TMEM67: variants seen among roughly 807,000 people sequenced by gnomAD.
TMEM67 encodes the protein meckelin.
A neutral mutation model predicts 136.6 loss-of-function variants in TMEM67; 124 were observed. The observed-to-expected ratio is 0.91, with a 90% CI of 0.78 to 1.05. TMEM67 has a LOEUF of 1.05. TMEM67 is among the 50% of genes least tolerant of loss of function. The pLI is 0.00. For synonymous variants in TMEM67, 364 were observed against 390.5 expected (o/e 0.93, Z 0.80); for missense variants, 1,107 against 1,178.4 (o/e 0.94, Z 0.89).
At chr8:93,830,961 G>C in the TMEM67 span, among the ~76,000 whole-genome samples, 12 of 152,250 alleles carry the variant, frequency 7.9e-5, no homozygotes, top group Non-Finnish European at 1.3e-4. Context: ...AGTACAGTGA[G>C]GGTCTGGACC....
rs117488621 is a variant in TMEM67, at chr8:93,795,211, C to T, written c.1675-198C>T. ...AGTTGAAAGAAGAGGCTACCAGGAA[C>T]GGCCAGAAAGGTAAGGAGCCAAAAG... On this transcript the variant is annotated intron_variant, in intron 16 of 27. Transcript: ENST00000453321. The T allele has an allele frequency of 9.3e-4, 567 of 609,986 alleles. 1 individual carries two copies. Among genetic ancestry groups the T allele is most frequent in the Non-Finnish European group, 1.4e-3 (471 of 342,990 alleles). 37.8% of individuals were successfully genotyped at this position (609,986 alleles called of 1,614,324 possible).
intron 6 of TMEM67, among the ~76,000 whole-genome samples, chr8:93,766,265 C>T (rs570216535): frequency 3.7e-4 from 57 of 152,188 alleles, no homozygotes; most frequent in African/African-American, 1.3e-3. Context: ...ATTACAGGCA[C>T]CTGCCACTAC....
chr8:93,757,327 C>T lies in TMEM67; in HGVS notation c.313-1156C>T, dbSNP rs117029922. Among the ~76,000 whole-genome samples the T allele has an allele frequency of 3.0e-3, 461 of 152,068 alleles. 5 individuals carry two copies. In the South Asian group the frequency reaches 0.034, roughly 11 times the overall value. On this transcript the variant is annotated intron_variant, in intron 2 of 27. Transcript: ENST00000453321. ...GATATAATAAGCCCAATTTTGAATG[C>T]TGTCATACTTTATCAAAAACCTTTA...
rs893532656 is a variant in TMEM67, at chr8:93,772,676, T to A, written c.714+25T>A. 6 of 1,563,796 alleles carry A rather than the reference T, an allele frequency of 3.8e-6. No individual in the cohort carries two copies. The Admixed American group carries it at 6.7e-5, about 18-fold the overall frequency. ...GGTAAGTTTGAATTTTTTAAATAAA[T>A]TTCATTTTATTTTGAAGAATTATAC... is the stretch of plus-strand genomic sequence containing the variant. On this transcript the variant is annotated intron_variant, in intron 7 of 27. Transcript: ENST00000453321.
the TMEM67 span, among the ~76,000 whole-genome samples, chr8:93,827,294 G>C: frequency 6.6e-6 from 1 of 152,198 alleles, no homozygotes; most frequent in African/African-American, 2.4e-5. Flanking sequence ...GCAAAGCTCT[G>C]AATTATTACC....
the TMEM67 span, among the ~76,000 whole-genome samples, chr8:93,827,760 CCTT>C: frequency 6.6e-6 from 1 of 151,288 alleles, no homozygotes; most frequent in Non-Finnish European, 1.5e-5. Flanking sequence ...GCCTGGCTTC[CCTT>C]CTTTTTTTTT....
intron 14 of TMEM67, 76 bp from the exon 15 acceptor site, chr8:93,791,187 A>G (rs1182217088): frequency 1.0e-6 from 1 of 991,746 alleles, no homozygotes; most frequent in African/African-American, 1.6e-5. Context: ...CCCAGCTACA[A>G]ATGTATTTTT....
At chr8:93,781,798 C>T (rs1296055736) in intron 10 of TMEM67, 54 bp downstream of exon 10, 2 of 1,067,420 alleles carry the variant, frequency 1.9e-6, no homozygotes, top group Non-Finnish European at 2.8e-6. Context: ...TTGCCTGAGA[C>T]AAAGCCAAGA....
downstream of TMEM67, among the ~76,000 whole-genome samples, chr8:93,821,412 G>T (rs1459686085): frequency 6.6e-6 from 1 of 152,136 alleles, no homozygotes; most frequent in Non-Finnish European, 1.5e-5. Context: ...CTCCAGAGTA[G>T]TTGGGATTAC....
chr8:93,804,895 C>A lies in TMEM67; in HGVS notation c.2439+17C>A. On this transcript the variant is annotated intron_variant, in intron 23 of 27. Transcript: ENST00000453321. ...AGAGAAGCGGTATGAAAATGTTTTA[C>A]ATCTTTTTGTTTTTAAGTTGAGAAG... The A allele has an allele frequency of 7.2e-7, 1 of 1,391,448 alleles. No individual in the cohort carries two copies. The highest frequency in any genetic ancestry group is 1.0e-6 in the Non-Finnish European group (1 of 978,312). 86.2% of individuals were successfully genotyped at this position (1,391,448 alleles called of 1,614,324 possible). A position where few individuals can be genotyped will look rare whatever the true frequency, so the allele number is the denominator to read the frequency against.
the TMEM67 span, among the ~76,000 whole-genome samples, chr8:93,825,369 A>G: frequency 6.6e-6 from 1 of 152,234 alleles, no homozygotes; most frequent in Non-Finnish European, 1.5e-5. Context: ...TTGTTAATGT[A>G]ATTTAAGGCC....
rs1064794003 is a variant in TMEM67 at position 93,780,891 on chromosome 8, G to A, written c.887G>A (p.Trp296Ter). The change falls in exon 9 of 28, where the codon TGG (tryptophan) becomes TAG (stop). Residue 296 changes from tryptophan to a stop codon, truncating the protein, a stop_gained. Transcript: ENST00000453321. LOFTEE classifies it high-confidence loss of function. ...SISFWRQNLP[W>*]LFYGDQLGLA... is the part of the protein sequence containing the mutation. ...GTTTATAGGAGACAGAATCTTCCTT[G>A]GCTGTTTTATGGAGACCAGTTAGGA... 7 of 1,611,726 alleles carry A rather than the reference G, an allele frequency of 4.3e-6. No homozygotes were observed. The highest frequency in any genetic ancestry group is 5.9e-6 in the Non-Finnish European group (7 of 1,179,226).
intron 3 of TMEM67, among the ~76,000 whole-genome samples, chr8:93,760,684 A>G (rs988644695): frequency 4.0e-5 from 6 of 151,784 alleles, no homozygotes; most frequent in Non-Finnish European, 7.4e-5. Flanking sequence ...CTACAAAAAA[A>G]AAAGAAAAAA....
At chr8:93,764,604 A>G (rs1246838153) in intron 4 of TMEM67, among the ~76,000 whole-genome samples, 1 of 152,156 alleles carries the variant, frequency 6.6e-6, no homozygotes, top group African/African-American at 2.4e-5. Context: ...AGAGGCCTAC[A>G]TCATGACTTC....
downstream of TMEM67, among the ~76,000 whole-genome samples, chr8:93,820,565 G>A (rs1471599580): frequency 1.3e-5 from 2 of 152,114 alleles, no homozygotes; most frequent in African/African-American, 2.4e-5. Flanking sequence ...TTCAAGTCCC[G>A]GCTGCACCAC....
At chr8:93,799,797 T>G in intron 21 of TMEM67, 39 bp downstream of exon 21, 1 of 1,553,986 alleles carries the variant, frequency 6.4e-7, no homozygotes, top group South Asian at 1.1e-5. Flanking sequence ...CTAAGTAACA[T>G]TGCTTCTTTA....
At chr8:93,775,190 T>C (rs1813486209) in intron 7 of TMEM67, among the ~76,000 whole-genome samples, 1 of 152,226 alleles carries the variant, frequency 6.6e-6, no homozygotes. Context: ...CTTTGCCCAC[T>C]TTTTGATGGG....
chr8:93,800,344 T>C (rs1814818650), intron 21 of TMEM67, among the ~76,000 whole-genome samples: 1 of 152,166 alleles, frequency 6.6e-6, no homozygotes, highest in Admixed American at 6.5e-5. Flanking sequence ...GTTGAACTGT[T>C]TGACTGAACT....
In TMEM67 at chr8:93,814,241, G is replaced by A. The variant is rs567594617; in HGVS notation, c.2765-1064G>A. Among the ~76,000 whole-genome samples, 13 of 146,296 alleles carry A rather than the reference G, an allele frequency of 8.9e-5. No homozygotes were observed. The South Asian group carries it at 2.6e-3, about 29-fold the overall frequency. ...TGCAAGCTCCGCCTCCCAGGTTCAT[G>A]CTATTCTCCTGCCTCAGCCTCCTGA... On this transcript the variant is annotated intron_variant, in intron 26 of 27. Transcript: ENST00000453321.
Sources: allele counts gnomAD v4.1 joint callset (sites outside exome capture counted in the v4.1 genomes callset), GRCh38; gene constraint gnomAD v4.1.1; transcripts MANE v1.5; gene names NCBI Gene and HGNC (gene_info 2026-07-23, HGNC 2026-07-21).